The following ARHGAP42 variants were observed in gnomAD, a reference collection of about 807,000 sequenced individuals.
The protein encoded by ARHGAP42 is rho GTPase-activating protein 42.
Under a neutral mutation model 125.0 loss-of-function variants are expected in ARHGAP42, and 63 were observed. The ratio of observed to expected loss-of-function variants is 0.50; its 90% confidence interval spans 0.41 to 0.62. The LOEUF (loss-of-function observed/expected upper bound fraction) is 0.62, where lower values mean the gene tolerates loss of function less well. ARHGAP42 is among the 20% of genes least tolerant of loss of function. The probability of loss-of-function intolerance (pLI) is 0.00; values close to 1 mark genes in which losing one functional copy is unlikely to be tolerated. For missense variants in ARHGAP42, 766 were observed against 1,024.2 expected (o/e 0.75, Z 3.44); for synonymous variants, 339 against 351.0 (o/e 0.97, Z 0.38).
At chr11:100,764,665 G>A (rs753280775) in intron 1 of ARHGAP42, among the ~76,000 whole-genome samples, 13 of 152,222 alleles carry the variant, frequency 8.5e-5, no homozygotes, top group Admixed American at 3.3e-4. Context: ...GCCACATTAG[G>A]GGCTTGTAAG....
At chr11:100,762,845 CAT>C (rs765724290) in intron 1 of ARHGAP42, among the ~76,000 whole-genome samples, 2 of 152,018 alleles carry the variant, frequency 1.3e-5, no homozygotes, top group Non-Finnish European at 2.9e-5. Context: ...GTTTCCTTGA[CAT>C]ATTCTGCTAC....
intron 8 of ARHGAP42, among the ~76,000 whole-genome samples, chr11:100,937,684 T>C (rs1867770548): frequency 6.6e-6 from 1 of 152,226 alleles, no homozygotes; most frequent in Non-Finnish European, 1.5e-5. Context: ...TCTTGAATAC[T>C]TTTCTAGGTG....
chr11:100,729,084 C>T (rs1200273442), intron 1 of ARHGAP42, among the ~76,000 whole-genome samples: 3 of 152,038 alleles, frequency 2.0e-5, no homozygotes, highest in African/African-American at 7.2e-5. Context: ...CTCTCTCTCT[C>T]TCTCTTAACT....
intron 5 of ARHGAP42, among the ~76,000 whole-genome samples, chr11:100,921,237 ATATATATATTTTTTTTTTTT>A (rs1284373074): frequency 2.4e-3 from 69 of 28,662 alleles, no homozygotes; most frequent in African/African-American, 5.8e-3. Context: ...ATATATATAT[ATATATATATTTTTTTTTTTT>A]TTTTTTTTTT....
chr11:100,898,626 T>G (rs545829830), intron 4 of ARHGAP42, among the ~76,000 whole-genome samples: 4 of 152,174 alleles, frequency 2.6e-5, no homozygotes, highest in African/African-American at 9.6e-5. Flanking sequence ...AGTTTATTTG[T>G]GTAGAGGTGT....
intron 3 of ARHGAP42, chr11:100,839,896 A>C (rs1591227050): frequency 6.6e-6 from 1 of 152,304 alleles, no homozygotes; most frequent in South Asian, 2.1e-4. Context: ...CATGGAGCTA[A>C]CTAGGGGTTA....
At chr11:100,808,552 C>T (rs1864058942) in intron 3 of ARHGAP42, among the ~76,000 whole-genome samples, 2 of 151,154 alleles carry the variant, frequency 1.3e-5, no homozygotes, top group South Asian at 4.2e-4. Flanking sequence ...ACTACAGGCG[C>T]CCGCCACCGC....
intron 2 of ARHGAP42, among the ~76,000 whole-genome samples, chr11:100,779,598 A>G (rs1455158724): frequency 6.7e-6 from 1 of 148,848 alleles, no homozygotes; most frequent in Non-Finnish European, 1.5e-5. Context: ...ACGTGTATAT[A>G]TATGTACTTA....
chr11:100,938,018 A>G (rs550630793), intron 8 of ARHGAP42, among the ~76,000 whole-genome samples: 1 of 150,456 alleles, frequency 6.6e-6, no homozygotes, highest in South Asian at 2.1e-4. Context: ...TTCTAGACTG[A>G]TGATAAAGCC....
Position 100,839,092 on chromosome 11 carries a change from C to T in ARHGAP42, c.313-20462C>T, listed in dbSNP as rs564975242. 4.3e-4 allele frequency among the ~76,000 whole-genome samples: 65 copies of T among 152,208 alleles called. No individual in the cohort carries two copies. The South Asian group carries it at 0.013, about 30-fold the overall frequency. On this transcript the variant is annotated intron_variant, in intron 3 of 23. Coordinates refer to ENST00000298815, the MANE Select transcript of ARHGAP42 (RefSeq NM_152432.4). ...ACAGAACACAGCTATAACATGGCAGCCTCGCATCCCTTCCTGCTTACCACC... is the reference window on the plus strand; with the variant it reads ...ACAGAACACAGCTATAACATGGCAGTCTCGCATCCCTTCCTGCTTACCACC...
chr11:100,936,048 T>A (rs1867730544), intron 7 of ARHGAP42, among the ~76,000 whole-genome samples, 155 bp from the exon 8 acceptor site: 1 of 152,042 alleles, frequency 6.6e-6, no homozygotes, highest in South Asian at 2.1e-4. Context: ...ACTTGTGCCC[T>A]GGAGGTCAAG....
intron 4 of ARHGAP42, among the ~76,000 whole-genome samples, chr11:100,860,893 T>G (rs535913317): frequency 6.6e-6 from 1 of 152,292 alleles, no homozygotes; most frequent in Non-Finnish European, 1.5e-5. Flanking sequence ...ATTCAGCAAA[T>G]ATTTATCAGT....
intron 1 of ARHGAP42, among the ~76,000 whole-genome samples, chr11:100,745,082 GGAATGAGTCAGGGTGGA>G (rs548022889): frequency 2.1e-3 from 325 of 152,244 alleles, no homozygotes; most frequent in African/African-American, 7.2e-3. Context: ...GCAAGAAATC[GGAATGAGTCAGGGTGGA>G]GAATGAGTCA....
chr11:100,802,469 G>T (rs1863880603), intron 3 of ARHGAP42, among the ~76,000 whole-genome samples: 1 of 143,052 alleles, frequency 7.0e-6, no homozygotes. Context: ...CTGTCTCCCA[G>T]GCTGGAGTGC....
chr11:100,748,757 T>G (rs1862367077), intron 1 of ARHGAP42, among the ~76,000 whole-genome samples: 1 of 141,756 alleles, frequency 7.1e-6, no homozygotes, highest in South Asian at 2.1e-4. Flanking sequence ...GGGTTGTCAG[T>G]GGCCTCAGTG....
intron 1 of ARHGAP42, among the ~76,000 whole-genome samples, chr11:100,735,980 T>C: frequency 6.6e-6 from 1 of 152,176 alleles, no homozygotes; most frequent in South Asian, 2.1e-4. Flanking sequence ...CTAGGTAATG[T>C]AGTCATATGT....
chr11:100,700,951 C>T (rs1384620458), intron 1 of ARHGAP42, among the ~76,000 whole-genome samples: 1 of 152,182 alleles, frequency 6.6e-6, no homozygotes, highest in Non-Finnish European at 1.5e-5. Context: ...CTGTCTATGG[C>T]AGCTATAGCC....
chr11:100,960,013 G>A, intron 13 of ARHGAP42, 68 bp downstream of exon 13: 1 of 1,351,562 alleles, frequency 7.4e-7, no homozygotes, highest in Non-Finnish European at 1.0e-6. Context: ...AACTCTCAGA[G>A]TAGATAAATC....
At chr11:100,757,766 A>C (rs1386646333) in intron 1 of ARHGAP42, among the ~76,000 whole-genome samples, 2 of 152,194 alleles carry the variant, frequency 1.3e-5, no homozygotes, top group Non-Finnish European at 2.9e-5. Flanking sequence ...TCACAAAAAA[A>C]CACTGTGTAA....
Sources: allele counts gnomAD v4.1 joint callset (sites outside exome capture counted in the v4.1 genomes callset), GRCh38; gene constraint gnomAD v4.1.1; transcripts MANE v1.5; gene names NCBI Gene and HGNC (gene_info 2026-07-23, HGNC 2026-07-21).